SUCLG2: variants seen among roughly 807,000 people sequenced by gnomAD.
The protein encoded by SUCLG2 is succinate-CoA ligase GDP-forming subunit beta.
A neutral mutation model predicts 47.9 loss-of-function variants in SUCLG2; 42 were observed. The observed-to-expected ratio is 0.88, with a 90% CI of 0.69 to 1.14. The LOEUF is 1.14. Among genes scored for constraint, SUCLG2 ranks in the 50% most tolerant of loss-of-function variants. The pLI, the probability that SUCLG2 is intolerant of heterozygous loss-of-function variation, is 0.00. For missense variants in SUCLG2, 571 were observed against 525.9 expected, an observed-to-expected ratio of 1.09 and a Z score of -0.84; for synonymous variants, 195 against 197.3, an observed-to-expected ratio of 0.99 and a Z score of 0.10.
rs556783590 is a variant in SUCLG2 at position 67,627,233 on chromosome 3, C to T, written c.85-17637G>A. Among the ~76,000 whole-genome samples the T allele has an allele frequency of 2.0e-5, 3 of 152,054 alleles. No individual in the cohort carries two copies. The South Asian group carries it at 6.2e-4, about 32-fold the overall frequency. On this transcript the variant is annotated intron_variant, in intron 1 of 10. Coordinates refer to ENST00000307227, the MANE Select transcript of SUCLG2 (RefSeq NM_003848.4). The stretch of plus-strand genomic sequence containing the variant: ...ATCTACTTAACTATATTTAGTTATC[C>T]CCCAACCAATTTTTACTTGGCATCT...
At chr3:67,503,057 G>A (rs1705542159) in intron 7 of SUCLG2, among the ~76,000 whole-genome samples, 4 of 152,146 alleles carry the variant, frequency 2.6e-5, no homozygotes, top group Admixed American at 2.6e-4. Context: ...ATAACAGATT[G>A]GAACATAGCC....
chr3:67,384,507 A>T (rs1360889258), intron 10 of SUCLG2, among the ~76,000 whole-genome samples: 1 of 152,230 alleles, frequency 6.6e-6, no homozygotes, highest in African/African-American at 2.4e-5. Context: ...ATACAGACAC[A>T]AAGCCTAAAA....
chr3:67,439,035 T>C (rs1030008609), intron 9 of SUCLG2, among the ~76,000 whole-genome samples: 1 of 152,108 alleles, frequency 6.6e-6, no homozygotes, highest in Non-Finnish European at 1.5e-5. Context: ...AAAGCTTTTC[T>C]ACCACGATCA....
intron 2 of SUCLG2, among the ~76,000 whole-genome samples, chr3:67,590,085 G>A (rs901706357): frequency 6.6e-6 from 1 of 152,044 alleles, no homozygotes; most frequent in Non-Finnish European, 1.5e-5. Context: ...TTAGGGATGG[G>A]GCCTAACTGC....
chr3:67,491,622 T>G (rs1420924273), intron 9 of SUCLG2, among the ~76,000 whole-genome samples: 1 of 152,180 alleles, frequency 6.6e-6, no homozygotes, highest in Non-Finnish European at 1.5e-5. Flanking sequence ...CCTCCCAAAG[T>G]GCTGAGATTA....
chr3:67,533,664 C>A (rs535717767), intron 2 of SUCLG2, among the ~76,000 whole-genome samples: 1 of 152,222 alleles, frequency 6.6e-6, no homozygotes, highest in South Asian at 2.1e-4. Context: ...GCCTTGGTGC[C>A]AATTTCTCAA....
chr3:67,562,304 G>T (rs1707328211), intron 2 of SUCLG2, among the ~76,000 whole-genome samples: 1 of 151,462 alleles, frequency 6.6e-6, no homozygotes, highest in South Asian at 2.1e-4. Context: ...TTGAGACAGA[G>T]TCTTGCTCTG....
chr3:67,538,698 A>G (rs1480906472), intron 2 of SUCLG2, among the ~76,000 whole-genome samples: 2 of 152,166 alleles, frequency 1.3e-5, no homozygotes, highest in Non-Finnish European at 2.9e-5. Context: ...TAAGCATGGA[A>G]TGTTTTTCCA....
chr3:67,505,116 A>T (rs766915371), intron 7 of SUCLG2, among the ~76,000 whole-genome samples: 15 of 152,158 alleles, frequency 9.9e-5, no homozygotes, highest in Non-Finnish European at 2.1e-4. Flanking sequence ...TAGACATGTG[A>T]CCCAAGCAGG....
intron 9 of SUCLG2, among the ~76,000 whole-genome samples, chr3:67,431,641 G>C (rs1703482980): frequency 6.6e-6 from 1 of 150,674 alleles, no homozygotes; most frequent in Non-Finnish European, 1.5e-5. Flanking sequence ...CACAAGGACA[G>C]AAAACCAAAC....
chr3:67,515,217 T>C (rs533006408), intron 6 of SUCLG2, among the ~76,000 whole-genome samples: 2 of 152,310 alleles, frequency 1.3e-5, no homozygotes, highest in South Asian at 4.1e-4. Context: ...CTGTACCTAA[T>C]TTATAAGTCA....
At chr3:67,386,611 G>A (rs571721227) in intron 10 of SUCLG2, among the ~76,000 whole-genome samples, 17 of 152,330 alleles carry the variant, frequency 1.1e-4, no homozygotes, top group African/African-American at 4.1e-4. Context: ...GAAAGGGCAT[G>A]TGTAGGGGAA....
chr3:67,417,602 G>C (rs544132927), intron 9 of SUCLG2, among the ~76,000 whole-genome samples: 5 of 152,188 alleles, frequency 3.3e-5, no homozygotes, highest in Non-Finnish European at 7.3e-5. Flanking sequence ...TGATTCTTTA[G>C]TAAAACGTAG....
At chr3:67,499,148 G>T (rs1258524463) in intron 7 of SUCLG2, among the ~76,000 whole-genome samples, 1 of 151,914 alleles carries the variant, frequency 6.6e-6, no homozygotes, top group Non-Finnish European at 1.5e-5. Context: ...TAAACACAGT[G>T]AAATGATTAC....
chr3:67,425,843 T>A (rs991137484), intron 9 of SUCLG2, among the ~76,000 whole-genome samples: 5 of 152,242 alleles, frequency 3.3e-5, no homozygotes, highest in Admixed American at 1.3e-4. Context: ...GACACCATGA[T>A]ACTGCATAAA....
chr3:67,607,139 C>G (rs994668297), intron 2 of SUCLG2, among the ~76,000 whole-genome samples: 4 of 152,156 alleles, frequency 2.6e-5, no homozygotes, highest in African/African-American at 7.2e-5. Context: ...TGGGAAATAA[C>G]TGCATTCCCA....
intron 9 of SUCLG2, among the ~76,000 whole-genome samples, chr3:67,404,074 G>C (rs1390791273): frequency 1.3e-5 from 2 of 152,034 alleles, no homozygotes; most frequent in East Asian, 3.9e-4. Flanking sequence ...TTAGTAGAGA[G>C]GCGATTTTGC....
intron 4 of SUCLG2, among the ~76,000 whole-genome samples, chr3:67,526,521 G>C (rs1022254836): frequency 6.6e-6 from 1 of 152,124 alleles, no homozygotes; most frequent in Non-Finnish European, 1.5e-5. Flanking sequence ...TTTGGAGGGA[G>C]CATTCAGACC....
chr3:67,643,397 T>C (rs984058664), intron 1 of SUCLG2, among the ~76,000 whole-genome samples: 5 of 152,202 alleles, frequency 3.3e-5, no homozygotes, highest in Non-Finnish European at 7.3e-5. Flanking sequence ...CTTTGGAAGT[T>C]TGATGATGTT....
Sources: allele counts gnomAD v4.1 joint callset (sites outside exome capture counted in the v4.1 genomes callset), GRCh38; gene constraint gnomAD v4.1.1; transcripts MANE v1.5; gene names NCBI Gene and HGNC (gene_info 2026-07-23, HGNC 2026-07-21).